Variants in TRIP11 observed in about 807,000 individuals in gnomAD.
TRIP11 encodes thyroid receptor-interacting protein 11.
A neutral mutation model predicts 223.1 loss-of-function variants in TRIP11; 148 were observed. The ratio of observed to expected loss-of-function variants is 0.66; its 90% CI spans 0.58 to 0.76. TRIP11 has a LOEUF of 0.76. TRIP11 is among the 30% of genes least tolerant of loss of function. TRIP11 has a pLI of 0.00. For synonymous variants in TRIP11, 762 were observed against 772.6 expected, an observed-to-expected ratio of 0.99 and a Z score of 0.23; for missense variants, 2,043 against 2,222.0, an observed-to-expected ratio of 0.92 and a Z score of 1.62.
chr14:91,995,601 CTTTAT>C lies in TRIP11; in HGVS notation c.4893-91_4893-87del, dbSNP rs1335032985. The C allele has an allele frequency of 7.6e-5, 99 of 1,304,212 alleles. No individual in the cohort carries two copies. The African/African-American group carries it at 7.8e-4, about 10-fold the overall frequency. 80.8% of individuals were successfully genotyped at this position (1,304,212 alleles called of 1,614,324 possible). ...AAGCCACCTTCCCTACATCTTATTA[CTTTAT>C]TTTATTTTATTTCTTTTTTTTTTTT... On this transcript the variant is annotated intron_variant, in intron 13 of 20. Coordinates refer to ENST00000267622, the MANE Select transcript of TRIP11 (RefSeq NM_004239.4).
rs1482225608 is a variant in TRIP11, at chr14:92,011,738, T to C, written c.1227+17A>G. 6.2e-7 allele frequency: 1 copy of C among 1,608,116 alleles called. No homozygotes were observed. Among genetic ancestry groups the C allele is most frequent in the East Asian group, 2.2e-5 (1 of 44,712 alleles). Reference sequence around the variant, plus strand: ...CCACTGTCTCTATGCACATAACATTTGTCAAAATTAATTTACCTGGTTTAA... The same window carrying C: ...CCACTGTCTCTATGCACATAACATTCGTCAAAATTAATTTACCTGGTTTAA... On this transcript the variant is annotated intron_variant, in intron 8 of 20. Coordinates refer to ENST00000267622, the MANE Select transcript of TRIP11 (RefSeq NM_004239.4).
In TRIP11 at chr14:92,006,084, A is replaced by G. The variant is rs1293468079; in HGVS notation, c.1892T>C (p.Leu631Pro). Residue 631 changes from leucine (L) to proline (P), a missense_variant, in exon 11 of 21, where the codon CTA becomes CCA. Leu to Pro is a moderately conservative substitution (Grantham distance 98). Transcript: ENST00000267622. ...SRIRNELMQS[L>P]NQDSNSNFKD... The stretch of plus-strand genomic sequence containing the variant: ...AAAATTACTATTAGAGTCTTGATTT[A>G]GAGACTGCATTAACTCATTCCTTAT... The G allele has an allele frequency of 6.3e-7, 1 of 1,592,446 alleles. No individual in the cohort carries two copies. The highest frequency in any genetic ancestry group is 1.8e-5 in the Admixed American group (1 of 55,284).
intron 15 of TRIP11, among the ~76,000 whole-genome samples, chr14:91,990,178 GGAAT>G (rs113803936): frequency 0.16 from 23,848 of 151,506 alleles, 2,448 homozygotes; most frequent in African/African-American, 0.3. Flanking sequence ...ATATATAGAG[GGAAT>G]GAAATTGAAA....
At chr14:92,027,182 G>GT (rs2057200664) in intron 2 of TRIP11, among the ~76,000 whole-genome samples, 2 of 151,658 alleles carry the variant, frequency 1.3e-5, no homozygotes, top group South Asian at 2.1e-4. Context: ...TGTACATATT[G>GT]TTAGGGTCAG....
At chr14:92,033,135 G>T in intron 2 of TRIP11, 57 bp downstream of exon 2, 1 of 1,290,042 alleles carries the variant, frequency 7.8e-7, no homozygotes, top group South Asian at 1.2e-5. Flanking sequence ...AGTAATGTTT[G>T]AGTAACCTTC....
intron 20 of TRIP11, among the ~76,000 whole-genome samples, chr14:91,971,363 T>G (rs1230899098): frequency 6.6e-6 from 1 of 152,252 alleles, no homozygotes; most frequent in African/African-American, 2.4e-5. Flanking sequence ...TGTTACCTAG[T>G]GAGCTCTGAC....
chr14:92,035,765 G>T (rs1328713913), intron 1 of TRIP11, among the ~76,000 whole-genome samples: 1 of 151,964 alleles, frequency 6.6e-6, no homozygotes, highest in African/African-American at 2.4e-5. Context: ...TTTTAGTAAA[G>T]AGACGAGGTT....
chr14:92,012,389 C>T (rs916305759), intron 7 of TRIP11, among the ~76,000 whole-genome samples: 1 of 152,140 alleles, frequency 6.6e-6, no homozygotes, highest in Non-Finnish European at 1.5e-5. Flanking sequence ...AGGTGCTAGA[C>T]AAAAAGCTGG....
At chr14:91,993,266 C>A (rs2056702628) in intron 15 of TRIP11, among the ~76,000 whole-genome samples, 1 of 151,830 alleles carries the variant, frequency 6.6e-6, no homozygotes, top group Non-Finnish European at 1.5e-5. Context: ...CACCTGAGGT[C>A]AGGAGTTCGA....
intron 16 of TRIP11, among the ~76,000 whole-genome samples, chr14:91,984,976 A>G (rs143437848): frequency 2.0e-4 from 30 of 152,348 alleles, no homozygotes; most frequent in Non-Finnish European, 4.1e-4. Context: ...ACTGTCTATT[A>G]AACTATAGTA....
intron 15 of TRIP11, among the ~76,000 whole-genome samples, chr14:91,993,100 AG>A (rs1271740421): frequency 6.6e-6 from 1 of 151,822 alleles, no homozygotes; most frequent in Non-Finnish European, 1.5e-5. Context: ...AAAAAAAAAA[AG>A]ATTTAATGGG....
At chr14:92,018,816 C>T (rs958673915) in intron 4 of TRIP11, among the ~76,000 whole-genome samples, 10 of 151,706 alleles carry the variant, frequency 6.6e-5, no homozygotes, top group Non-Finnish European at 1.5e-4. Context: ...AAAAAATTAG[C>T]TGGGAGTGGT....
chr14:92,027,771 T>C (rs1278914465), intron 2 of TRIP11, among the ~76,000 whole-genome samples: 1 of 152,242 alleles, frequency 6.6e-6, no homozygotes, highest in African/African-American at 2.4e-5. Context: ...TTTTTCACTT[T>C]GGGGATGTCA....
rs756706825 is a variant in TRIP11, at chr14:92,007,866, A to G, written c.1315-14T>C. Reference sequence around the variant, plus strand: ...CTGAAGTTCTTCCTGAAATGATAAAAGGAAAAAAGCAACACATACTTTCAA... The same window carrying G: ...CTGAAGTTCTTCCTGAAATGATAAAGGGAAAAAAGCAACACATACTTTCAA... On this transcript the variant is annotated splice_polypyrimidine_tract_variant and intron_variant, in intron 9 of 20. Transcript: ENST00000267622. 4 of 1,588,650 alleles carry G rather than the reference A, an allele frequency of 2.5e-6. No homozygotes were observed. In the African/African-American group the frequency reaches 4.0e-5, roughly 16 times the overall value.
At chr14:91,988,242 T>C in intron 16 of TRIP11, 42 bp downstream of exon 16, 1 of 1,450,180 alleles carries the variant, frequency 6.9e-7, no homozygotes, top group Non-Finnish European at 9.6e-7. Flanking sequence ...TGATTTAATA[T>C]CAGTATTGTA....
In TRIP11 at chr14:91,999,438, G is replaced by A; in HGVS notation, c.4699-5C>T. The A allele has an allele frequency of 6.2e-7, 1 of 1,613,398 alleles. No individual in the cohort carries two copies. The highest frequency in any genetic ancestry group is 8.5e-7 in the Non-Finnish European group (1 of 1,179,762). ...TTTGTCACGTAAACGTTGAACCTAG[G>A]TAGAGGACATTATTTTTCTTTTACA... On this transcript the variant is annotated splice_polypyrimidine_tract_variant and splice_region_variant and intron_variant, in intron 12 of 20. Transcript: ENST00000267622.
chr14:91,975,102 G>A (rs973122476), intron 18 of TRIP11, 70 bp downstream of exon 18: 23 of 1,344,904 alleles, frequency 1.7e-5, no homozygotes, highest in Non-Finnish European at 2.5e-5. Flanking sequence ...TACAGTAAAA[G>A]GAAGTAATTG....
chr14:92,039,061 G>C (rs1447038738), intron 1 of TRIP11, among the ~76,000 whole-genome samples: 1 of 152,054 alleles, frequency 6.6e-6, no homozygotes, highest in Non-Finnish European at 1.5e-5. Flanking sequence ...TAATTAAATA[G>C]AAAAACATGG....
chr14:91,986,532 A>G (rs1040839496), intron 16 of TRIP11, among the ~76,000 whole-genome samples: 8 of 152,226 alleles, frequency 5.3e-5, no homozygotes, highest in Admixed American at 5.2e-4. Flanking sequence ...AACTCTGATA[A>G]TATTTATTAA....
Sources: gnomAD v4.1 joint callset for allele counts (sites outside exome capture counted in the v4.1 genomes callset) on GRCh38, gnomAD v4.1.1 for gene constraint, MANE v1.5 for transcripts, NCBI Gene and HGNC (gene_info 2026-07-23, HGNC 2026-07-21) for gene names.